Variants in TMCC1 observed in about 807,000 individuals in gnomAD.
TMCC1 encodes the protein transmembrane and coiled-coil domains protein 1.
Under a neutral mutation model 52.4 loss-of-function variants are expected in TMCC1, and 15 were observed. The observed-to-expected ratio is 0.29, with a 90% CI of 0.19 to 0.44. The LOEUF (loss-of-function observed/expected upper bound fraction) is 0.44, where lower values mean the gene tolerates loss of function less well. Among genes scored for constraint, TMCC1 ranks in the 20% least tolerant of loss-of-function variants. The probability of loss-of-function intolerance (pLI) is 1.00; values close to 1 mark genes in which losing one functional copy is unlikely to be tolerated. For missense variants in TMCC1, 503 were observed against 806.0 expected (o/e 0.62, Z 4.55); for synonymous variants, 279 against 301.9 (o/e 0.92, Z 0.79).
At chr3:129,719,115 A>G (rs943297452) in intron 4 of TMCC1, among the ~76,000 whole-genome samples, 1 of 152,210 alleles carries the variant, frequency 6.6e-6, no homozygotes, top group African/African-American at 2.4e-5. Context: ...TGGTCATCAG[A>G]AAGACCAAGG....
intron 4 of TMCC1, among the ~76,000 whole-genome samples, chr3:129,757,882 T>G (rs749320881): frequency 1.7e-4 from 25 of 151,476 alleles, no homozygotes; most frequent in Non-Finnish European, 2.4e-4. Flanking sequence ...AATCACAACA[T>G]GACTCCATGC....
chr3:129,775,487 T>TA (rs2054966935), intron 4 of TMCC1, among the ~76,000 whole-genome samples: 1 of 151,840 alleles, frequency 6.6e-6, no homozygotes, highest in South Asian at 2.1e-4. Context: ...AAAAAGAAAT[T>TA]AAACATAATA....
At chr3:129,681,068 A>G (rs1043542292) in intron 4 of TMCC1, among the ~76,000 whole-genome samples, 3 of 152,140 alleles carry the variant, frequency 2.0e-5, no homozygotes, top group Non-Finnish European at 2.9e-5. Context: ...AGCAGCTTAT[A>G]TGATGGGGGG....
intron 2 of TMCC1, among the ~76,000 whole-genome samples, chr3:129,876,418 A>G (rs1006213409): frequency 3.9e-5 from 6 of 152,094 alleles, no homozygotes; most frequent in African/African-American, 1.4e-4. Context: ...CTGACAGCCA[A>G]TTAGCTCCTA....
At chr3:129,866,258 T>TTATACATATATAATATAC (rs1560578168) in intron 2 of TMCC1, among the ~76,000 whole-genome samples, 63 of 142,692 alleles carry the variant, frequency 4.4e-4, no homozygotes, top group African/African-American at 1.4e-3. Context: ...ATATAATATA[T>TTATACATATATAATATAC]ATTATACATA....
chr3:129,769,944 T>C (rs957296727), intron 4 of TMCC1, among the ~76,000 whole-genome samples: 1 of 152,164 alleles, frequency 6.6e-6, no homozygotes, highest in African/African-American at 2.4e-5. Flanking sequence ...CTTTAGCAAT[T>C]AAAGATATTT....
At chr3:129,856,482 A>C (rs900574955) in intron 2 of TMCC1, among the ~76,000 whole-genome samples, 1 of 152,216 alleles carries the variant, frequency 6.6e-6, no homozygotes, top group African/African-American at 2.4e-5. Context: ...ACACTGCTCT[A>C]GGATCTACAA....
rs929690900 is a variant in TMCC1 at position 129,878,256 on chromosome 3, G to A, written c.-184+2053C>T. Among the ~76,000 whole-genome samples the A allele has an allele frequency of 7.9e-5, 12 of 152,118 alleles. No homozygotes were observed. The East Asian group carries it at 1.3e-3, about 17-fold the overall frequency. The stretch of plus-strand genomic sequence containing the variant: ...TGGGATTACAGGCGTGAGCCACTGC[G>A]CCTGGCCAACATCTCTAAGTCTTAA... On this transcript the variant is annotated intron_variant, in intron 2 of 6. Coordinates refer to ENST00000393238, the MANE Select transcript of TMCC1 (RefSeq NM_001017395.5).
chr3:129,825,712 A>G (rs548647052), intron 4 of TMCC1, among the ~76,000 whole-genome samples: 3 of 152,354 alleles, frequency 2.0e-5, no homozygotes, highest in Admixed American at 1.3e-4. Context: ...ATTTTTTAGG[A>G]AATTCTAGAA....
chr3:129,662,689 T>A (rs922608202), intron 5 of TMCC1, among the ~76,000 whole-genome samples: 3 of 152,170 alleles, frequency 2.0e-5, no homozygotes, highest in African/African-American at 7.2e-5. Context: ...ACAACTGTCT[T>A]ATATGTTGTT....
At chr3:129,760,426 GTGTGTGTGTT>G (rs951277129) in intron 4 of TMCC1, among the ~76,000 whole-genome samples, 3 of 149,628 alleles carry the variant, frequency 2.0e-5, no homozygotes, top group Admixed American at 1.4e-4. Context: ...GTGTGTGTGT[GTGTGTGTGTT>G]TTTGAGACAG....
intron 2 of TMCC1, among the ~76,000 whole-genome samples, chr3:129,875,778 T>C (rs1336084257): frequency 6.6e-6 from 1 of 152,180 alleles, no homozygotes; most frequent in Non-Finnish European, 1.5e-5. Context: ...CCACCCACTT[T>C]GGTTATTTAC....
At chr3:129,706,743 T>C (rs548774913) in intron 4 of TMCC1, among the ~76,000 whole-genome samples, 18 of 152,346 alleles carry the variant, frequency 1.2e-4, no homozygotes, top group African/African-American at 4.3e-4. Flanking sequence ...GTTCATAAAA[T>C]AAGGCTTCCT....
chr3:129,875,649 C>T (rs1372173829), intron 2 of TMCC1, among the ~76,000 whole-genome samples: 1 of 152,112 alleles, frequency 6.6e-6, no homozygotes, highest in East Asian at 1.9e-4. Context: ...CACTGTATCT[C>T]CAACACCTAC....
chr3:129,707,749 C>T (rs1226702137), intron 4 of TMCC1, among the ~76,000 whole-genome samples: 7 of 151,882 alleles, frequency 4.6e-5, no homozygotes, highest in East Asian at 3.9e-4. Flanking sequence ...CTGGCTAACA[C>T]GGTGAAACCC....
intron 2 of TMCC1, among the ~76,000 whole-genome samples, chr3:129,875,953 G>A (rs1266834574): frequency 6.6e-6 from 1 of 152,088 alleles, no homozygotes; most frequent in African/African-American, 2.4e-5. Context: ...GACCAACACG[G>A]AGAAACCCCG....
intron 5 of TMCC1, among the ~76,000 whole-genome samples, chr3:129,658,498 C>A (rs573624184): frequency 6.6e-6 from 1 of 152,220 alleles, no homozygotes; most frequent in Admixed American, 6.5e-5. Context: ...GTCACTCTAG[C>A]AAGAATAATT....
intron 4 of TMCC1, among the ~76,000 whole-genome samples, chr3:129,781,238 A>T (rs901888443): frequency 6.6e-6 from 1 of 152,168 alleles, no homozygotes; most frequent in Non-Finnish European, 1.5e-5. Flanking sequence ...CTTTGCCGAC[A>T]AATACTCTGT....
chr3:129,745,119 A>C (rs541777271), intron 4 of TMCC1, among the ~76,000 whole-genome samples: 1 of 152,356 alleles, frequency 6.6e-6, no homozygotes, highest in East Asian at 1.9e-4. Flanking sequence ...AATGAAATTA[A>C]ACTAGATTTC....
Sources: gnomAD v4.1 joint callset for allele counts (sites outside exome capture counted in the v4.1 genomes callset) on GRCh38, gnomAD v4.1.1 for gene constraint, MANE v1.5 for transcripts, NCBI Gene and HGNC (gene_info 2026-07-23, HGNC 2026-07-21) for gene names.